The following BRIP1 variants were observed in gnomAD, a reference collection of about 807,000 sequenced individuals.
BRIP1 encodes Fanconi anemia group J protein.
In BRIP1, 88 loss-of-function variants were observed where a neutral mutation model predicts 119.7. The ratio of observed to expected loss-of-function variants is 0.74; its 90% CI spans 0.62 to 0.88. The LOEUF (loss-of-function observed/expected upper bound fraction) is 0.88. Ranked by LOEUF, BRIP1 falls within the 40% of genes least tolerant of loss-of-function variation. BRIP1 has a pLI of 0.00. For synonymous variants in BRIP1, 443 were observed against 496.5 expected, an observed-to-expected ratio of 0.89 and a Z score of 1.43; for missense variants, 1,259 against 1,455.4, an observed-to-expected ratio of 0.87 and a Z score of 2.20.
chr17:61,771,844 C>G (rs572684432), intron 14 of BRIP1, among the ~76,000 whole-genome samples: 2 of 151,914 alleles, frequency 1.3e-5, no homozygotes, highest in East Asian at 3.9e-4. Context: ...CACCTGTAAT[C>G]CCAGCTACTC....
intron 10 of BRIP1, among the ~76,000 whole-genome samples, chr17:61,785,010 A>T (rs2077684562): frequency 1.3e-5 from 2 of 152,222 alleles, no homozygotes; most frequent in Non-Finnish European, 2.9e-5. Context: ...TATTAGCAAA[A>T]TTCTCCTCAG....
chr17:61,841,961 G>A lies in BRIP1; in HGVS notation c.627+5140C>T, dbSNP rs2078664315. Among the ~76,000 whole-genome samples, 1 of 152,122 alleles carries A rather than the reference G, an allele frequency of 6.6e-6. No individual in the cohort carries two copies. Among genetic ancestry groups the A allele is most frequent in the African/African-American group, 2.4e-5 (1 of 41,404 alleles). On this transcript the variant is annotated intron_variant, in intron 6 of 19. Transcript: ENST00000259008. This position sits in a 1 kb window ranked among gnomAD's most constrained non-coding sequence, Gnocchi z 4.1. ...CTTCCAAAGTGTTGGGATTACTGGT[G>A]TGAGCCACCACACCCAGCCAACACC...
intron 6 of BRIP1, among the ~76,000 whole-genome samples, chr17:61,821,390 G>A (rs1436019918): frequency 1.3e-5 from 2 of 149,844 alleles, no homozygotes; most frequent in African/African-American, 2.5e-5. Flanking sequence ...TTACTTGGGG[G>A]TGGAGAGGTG....
rs371550316 is a variant in BRIP1 at position 61,723,568 on chromosome 17, A to G, written c.2380-7505T>C. Among the ~76,000 whole-genome samples, 19 of 152,204 alleles carry G rather than the reference A, an allele frequency of 1.2e-4. No individual in the cohort carries two copies. Among genetic ancestry groups the G allele is most frequent in the South Asian group, 2.1e-4 (1 of 4,834 alleles). ...ACAGACATTTTACATTATGGAAGTT[A>G]ACTGTGAATGTTTTTTCTAAGTTTT... On this transcript the variant is annotated intron_variant, in intron 16 of 19. Transcript: ENST00000259008.
rs370193170 is a variant in BRIP1 at position 61,780,769 on chromosome 17, A to G, written c.1794+71T>C. 5.4e-6 allele frequency: 8 copies of G among 1,492,782 alleles called. No homozygotes were observed. The African/African-American group carries it at 1.1e-4, about 21-fold the overall frequency. The allele number at this position is 1,492,782 out of a possible 1,614,324, so 92.5% of individuals were successfully genotyped here. On this transcript the variant is annotated intron_variant, in intron 12 of 19. Coordinates refer to ENST00000259008, the MANE Select transcript of BRIP1 (RefSeq NM_032043.3). The surrounding 1 kb of genome is among the most constrained non-coding windows in gnomAD (Gnocchi z 5.4). ...AACAACAAACAACTATCTTTAAAAG[A>G]GTCAACCACATTTATTAAAATGCTG...
At chr17:61,787,155 A>T (rs1186194363) in intron 10 of BRIP1, among the ~76,000 whole-genome samples, 1 of 104,046 alleles carries the variant, frequency 9.6e-6, no homozygotes, top group Non-Finnish European at 1.7e-5. Context: ...ATAAAAATAT[A>T]TTATATACTA....
Position 61,824,599 on chromosome 17 carries a change from G to A in BRIP1, c.628-15842C>T, listed in dbSNP as rs540430568. Among the ~76,000 whole-genome samples, 33 of 151,920 alleles carry A rather than the reference G, an allele frequency of 2.2e-4. No homozygotes were observed. Among genetic ancestry groups the A allele is most frequent in the Non-Finnish European group, 3.2e-4 (22 of 67,954 alleles). Reference sequence around the variant, plus strand: ...TCAACAAATGGTGCAGGGAAACCTGGATATCTACACACAAACAATGAAGTT... The same window carrying A: ...TCAACAAATGGTGCAGGGAAACCTGAATATCTACACACAAACAATGAAGTT... On this transcript the variant is annotated intron_variant, in intron 6 of 19. Coordinates refer to ENST00000259008, the MANE Select transcript of BRIP1 (RefSeq NM_032043.3). The surrounding 1 kb of genome is among the most constrained non-coding windows in gnomAD (Gnocchi z 4.3).
In BRIP1 at chr17:61,761,339, A is replaced by T. The variant is rs1434279454; in HGVS notation, c.2097+15062T>A. Among the ~76,000 whole-genome samples the T allele has an allele frequency of 1.3e-5, 2 of 152,056 alleles. No homozygotes were observed. The highest frequency in any genetic ancestry group is 2.9e-5 in the Non-Finnish European group (2 of 67,946). On this transcript the variant is annotated intron_variant, in intron 14 of 19. Transcript: ENST00000259008. The surrounding 1 kb of genome is among the most constrained non-coding windows in gnomAD (Gnocchi z 6.4). ...GAAAAAATTGAAAGCCTTACCTCTA[A>T]GATCTGGAACAAGACAAGGATGCCC...
rs529710126 is a variant in BRIP1, at chr17:61,791,488, C to CAAAAAAAAAAAAAAA, written c.1473+2094_1473+2108dup. Among the ~76,000 whole-genome samples, 10 of 52,920 alleles carry CAAAAAAAAAAAAAAA rather than the reference C, an allele frequency of 1.9e-4. 1 individual carries two copies. The highest frequency in any genetic ancestry group is 6.6e-4 in the African/African-American group (8 of 12,128). 34.7% of individuals were successfully genotyped at this position (52,920 alleles called of 152,430 possible). A position where few individuals can be genotyped will look rare whatever the true frequency, so the allele number is the denominator to read the frequency against. On this transcript the variant is annotated intron_variant, in intron 10 of 19. Coordinates refer to ENST00000259008, the MANE Select transcript of BRIP1 (RefSeq NM_032043.3). ...TGGGCAACAGAGTGAGACTTCATCT[C>CAAAAAAAAAAAAAAA]AAAAAAAAAAAAAAAAAAAAAAGAA...
intron 11 of BRIP1, among the ~76,000 whole-genome samples, chr17:61,781,818 G>A (rs933912154): frequency 6.6e-6 from 1 of 151,618 alleles, no homozygotes; most frequent in Admixed American, 6.6e-5. Flanking sequence ...CTACTCAGGA[G>A]GCTGAGGCAG....
In BRIP1 at chr17:61,724,705, T is replaced by C. The variant is rs1169128851; in HGVS notation, c.2380-8642A>G. Among the ~76,000 whole-genome samples, 2 of 152,204 alleles carry C rather than the reference T, an allele frequency of 1.3e-5. No homozygotes were observed. Among genetic ancestry groups the C allele is most frequent in the Admixed American group, 1.3e-4 (2 of 15,282 alleles). On this transcript the variant is annotated intron_variant, in intron 16 of 19. Coordinates refer to ENST00000259008, the MANE Select transcript of BRIP1 (RefSeq NM_032043.3). This position sits in a 1 kb window ranked among gnomAD's most constrained non-coding sequence, Gnocchi z 5.1. The stretch of plus-strand genomic sequence containing the variant: ...AGAAGAATATAATTTTTTTCTTGTA[T>C]GTAAGCTTGAAGACAAAAGTTCAAG...
Position 61,836,499 on chromosome 17 carries a change from A to C in BRIP1, c.627+10602T>G, listed in dbSNP as rs190519219. On this transcript the variant is annotated intron_variant, in intron 6 of 19. Coordinates refer to ENST00000259008, the MANE Select transcript of BRIP1 (RefSeq NM_032043.3). ...CTTAGGTATAAGGATCTGAGTAAAAATTGTAAGCTACAAGAAACAGTGGTG... is the reference window on the plus strand; with the variant it reads ...CTTAGGTATAAGGATCTGAGTAAAACTTGTAAGCTACAAGAAACAGTGGTG... Among the ~76,000 whole-genome samples, 25 of 152,340 alleles carry C rather than the reference A, an allele frequency of 1.6e-4. No homozygotes were observed. In the East Asian group the frequency reaches 4.6e-3, roughly 28 times the overall value.
chr17:61,831,920 CAGACAGATACA>C lies in BRIP1; in HGVS notation c.627+15170_627+15180del, dbSNP rs2078498535. On this transcript the variant is annotated intron_variant, in intron 6 of 19. Transcript: ENST00000259008. The surrounding 1 kb of genome is among the most constrained non-coding windows in gnomAD (Gnocchi z 4.1). The stretch of plus-strand genomic sequence containing the variant: ...ACACTCATAATTTTCAGTGTACAGA[CAGACAGATACA>C]GAAAAAATATAGACATAAATGTATA... 6.6e-6 allele frequency among the ~76,000 whole-genome samples: 1 copy of C among 152,042 alleles called. No individual in the cohort carries two copies.
intron 6 of BRIP1, among the ~76,000 whole-genome samples, chr17:61,840,009 T>C (rs937204907): frequency 1.3e-5 from 2 of 152,176 alleles, no homozygotes; most frequent in African/African-American, 4.8e-5. Context: ...GATGTGCTTA[T>C]GGTCAAGCGG....
intron 16 of BRIP1, among the ~76,000 whole-genome samples, chr17:61,741,981 T>C (rs2076992406): frequency 6.6e-6 from 1 of 152,244 alleles, no homozygotes; most frequent in South Asian, 2.1e-4. Flanking sequence ...CTTCTTTCAA[T>C]AGAAGGCTGA....
intron 16 of BRIP1, among the ~76,000 whole-genome samples, chr17:61,737,751 G>T (rs528743284): frequency 2.8e-4 from 42 of 152,170 alleles, no homozygotes; most frequent in African/African-American, 9.9e-4. Flanking sequence ...AACTGCATGC[G>T]TATACTCTTA....
At chr17:61,818,749 A>T (rs2078275291) in intron 6 of BRIP1, among the ~76,000 whole-genome samples, 1 of 152,208 alleles carries the variant, frequency 6.6e-6, no homozygotes, top group Admixed American at 6.5e-5. Flanking sequence ...AATCTGATTT[A>T]AAAATGGGCC....
rs1057523376 is a variant in BRIP1 at position 61,849,119 on chromosome 17, C to A, written c.507+10G>T. The A allele has an allele frequency of 6.2e-7, 1 of 1,613,408 alleles. No homozygotes were observed. Among genetic ancestry groups the A allele is most frequent in the East Asian group, 2.2e-5 (1 of 44,762 alleles). ...AACTGGGTTATTTACTGCCAATAAA[C>A]TCTGTTTACCTGCTGTGTAGTTTCT... On this transcript the variant is annotated intron_variant, in intron 5 of 19. Coordinates refer to ENST00000259008, the MANE Select transcript of BRIP1 (RefSeq NM_032043.3).
rs1228028033 is a variant in BRIP1, at chr17:61,769,897, G to A, written c.2097+6504C>T. Among the ~76,000 whole-genome samples, 1 of 152,194 alleles carries A rather than the reference G, an allele frequency of 6.6e-6. No individual in the cohort carries two copies. Among genetic ancestry groups the A allele is most frequent in the African/African-American group, 2.4e-5 (1 of 41,450 alleles). On this transcript the variant is annotated intron_variant, in intron 14 of 19. Coordinates refer to ENST00000259008, the MANE Select transcript of BRIP1 (RefSeq NM_032043.3). The surrounding 1 kb of genome is among the most constrained non-coding windows in gnomAD (Gnocchi z 4.9). The stretch of plus-strand genomic sequence containing the variant: ...GTTTATAAGTGAGAAACTCCTAGGG[G>A]CTGCAGTCTTGCCAGGGGGCCCACA...
Sources: allele counts gnomAD v4.1 joint callset (sites outside exome capture counted in the v4.1 genomes callset), GRCh38; gene constraint gnomAD v4.1.1; non-coding constraint Gnocchi (gnomAD v3.1); transcripts MANE v1.5; gene names NCBI Gene and HGNC (gene_info 2026-07-23, HGNC 2026-07-21).